The following CCL17 variants were observed in gnomAD, a reference collection of about 807,000 sequenced individuals.
CCL17 encodes the protein C-C motif chemokine 17.
In CCL17, 8 loss-of-function variants were observed where a neutral mutation model predicts 7.4. The observed-to-expected ratio is 1.09, with a 90% CI of 0.64 to 1.96. CCL17 has a LOEUF of 1.96. CCL17 is among the 30% of genes most tolerant of loss of function. The probability of loss-of-function intolerance (pLI) is 0.00; values close to 1 mark genes in which losing one functional copy is unlikely to be tolerated. For missense variants in CCL17, 102 were observed against 113.0 expected (o/e 0.90, Z 0.44); for synonymous variants, 40 against 46.1 (o/e 0.87, Z 0.54).
At chr16:57,403,473 ATATATT>A (rs1902635690), upstream of CCL17, among the ~76,000 whole-genome samples, 2 of 2,402 alleles carry the variant, frequency 8.3e-4, 1 homozygote, top group Non-Finnish European at 2.1e-3. Flanking sequence ...ATTATATTAT[ATATATT>A]ATATAATAAT....
intron 2 of CCL17, among the ~76,000 whole-genome samples, chr16:57,414,455 G>T (rs1460331327): frequency 9.1e-6 from 1 of 109,964 alleles, no homozygotes; most frequent in African/African-American, 3.6e-5. Flanking sequence ...GTCTTGCGCT[G>T]TCGCCCAGGC....
At chr16:57,399,309 G>A in the CCL17 span, among the ~76,000 whole-genome samples, 7 of 152,148 alleles carry the variant, frequency 4.6e-5, no homozygotes, top group African/African-American at 1.4e-4. Context: ...ACATGGCTGG[G>A]GCCCTCTTTC....
At chr16:57,401,132 A>G (rs1416902460), upstream of CCL17, among the ~76,000 whole-genome samples, 1 of 152,148 alleles carries the variant, frequency 6.6e-6, no homozygotes, top group African/African-American at 2.4e-5. Context: ...AGAACTATAC[A>G]TTTGGCATAT....
upstream of CCL17, among the ~76,000 whole-genome samples, chr16:57,403,421 T>A (rs1423217904): frequency 1.3e-4 from 2 of 15,876 alleles, no homozygotes; most frequent in Non-Finnish European, 8.4e-5. Flanking sequence ...ATATATTATA[T>A]TATAATATAT....
Position 57,415,013 on chromosome 16 carries a change from C to T in CCL17, c.71-68C>T. 1 of 1,012,930 alleles carries T rather than the reference C, an allele frequency of 9.9e-7. No individual in the cohort carries two copies. Among genetic ancestry groups the T allele is most frequent in the Non-Finnish European group, 1.6e-6 (1 of 634,048 alleles). The allele number at this position is 1,012,930 out of a possible 1,614,324, so 62.7% of individuals were successfully genotyped here. On this transcript the variant is annotated intron_variant, in intron 2 of 3. Transcript: ENST00000219244. This position sits in a 1 kb window ranked among gnomAD's most constrained non-coding sequence, Gnocchi z 4.5. ...CACATGCAGATCTTCCACGAACACC[C>T]CCCAGAGGTCCCCGCAACACACACG...
chr16:57,413,422 C>T (rs933063681), intron 1 of CCL17, among the ~76,000 whole-genome samples: 130 of 151,688 alleles, frequency 8.6e-4, no homozygotes, highest in African/African-American at 3.0e-3. Context: ...GGCCCATGCC[C>T]GGCAGCCAGG....
intron 1 of CCL17, among the ~76,000 whole-genome samples, chr16:57,410,588 A>G (rs1169499128): frequency 3.9e-5 from 6 of 152,204 alleles, no homozygotes; most frequent in African/African-American, 1.4e-4. Flanking sequence ...TCCAGGTCCT[A>G]GAATCCTCAC....
intron 1 of CCL17, among the ~76,000 whole-genome samples, chr16:57,411,660 A>G (rs1187765459): frequency 6.6e-6 from 1 of 152,250 alleles, no homozygotes; most frequent in African/African-American, 2.4e-5. Flanking sequence ...GGCAGAAGCC[A>G]CAGGGCAGAG....
the CCL17 span, among the ~76,000 whole-genome samples, chr16:57,399,145 A>G: frequency 6.6e-6 from 1 of 152,112 alleles, no homozygotes; most frequent in Non-Finnish European, 1.5e-5. Flanking sequence ...TTGCATCAGG[A>G]CTCTCTGAGT....
intron 1 of CCL17, among the ~76,000 whole-genome samples, chr16:57,409,873 G>C (rs578102548): frequency 6.6e-6 from 1 of 152,192 alleles, no homozygotes; most frequent in African/African-American, 2.4e-5. Context: ...AGCTGGCCCC[G>C]ATCCCTGATT....
chr16:57,398,192 A>C, the CCL17 span, among the ~76,000 whole-genome samples: 1 of 152,182 alleles, frequency 6.6e-6, no homozygotes, highest in Non-Finnish European at 1.5e-5. Flanking sequence ...CCAGATGGTG[A>C]AATCCTTTCC....
At chr16:57,398,813 G>C in the CCL17 span, among the ~76,000 whole-genome samples, 2 of 152,194 alleles carry the variant, frequency 1.3e-5, no homozygotes, top group Non-Finnish European at 2.9e-5. Flanking sequence ...GTAGCCAAAA[G>C]TAAATCATCC....
At chr16:57,400,334 G>A (rs1334874503), upstream of CCL17, among the ~76,000 whole-genome samples, 2 of 151,990 alleles carry the variant, frequency 1.3e-5, no homozygotes, top group African/African-American at 2.4e-5. Context: ...ACTCCAGCCT[G>A]GGCAACAGAG....
chr16:57,410,693 A>G (rs1160926960), intron 1 of CCL17, among the ~76,000 whole-genome samples: 1 of 152,174 alleles, frequency 6.6e-6, no homozygotes, highest in Non-Finnish European at 1.5e-5. Context: ...ATAGCCTGGG[A>G]GAACTGAGGA....
At chr16:57,403,463 AT>A (rs1251229861), upstream of CCL17, among the ~76,000 whole-genome samples, 14 of 2,218 alleles carry the variant, frequency 6.3e-3, no homozygotes, top group Non-Finnish European at 0.023. Context: ...TATAATATAT[AT>A]TATATTATAT....
At chr16:57,397,207 C>T in the CCL17 span, among the ~76,000 whole-genome samples, 2 of 152,234 alleles carry the variant, frequency 1.3e-5, no homozygotes, top group South Asian at 4.1e-4. Flanking sequence ...ATGCCTTTGG[C>T]ACACATCACA....
upstream of CCL17, among the ~76,000 whole-genome samples, chr16:57,399,918 G>A (rs551971973): frequency 3.3e-5 from 5 of 152,278 alleles, no homozygotes; most frequent in South Asian, 2.1e-4. Flanking sequence ...CACACAGAAA[G>A]CCAATCACTG....
rs1567565020 is a variant in CCL17 at position 57,415,598 on chromosome 16, G to A, written c.189-167G>A. 6.6e-6 allele frequency among the ~76,000 whole-genome samples: 1 copy of A among 152,182 alleles called. No homozygotes were observed. The highest frequency in any genetic ancestry group is 2.4e-5 in the African/African-American group (1 of 41,440). On this transcript the variant is annotated intron_variant, in intron 3 of 3. Coordinates refer to ENST00000219244, the MANE Select transcript of CCL17 (RefSeq NM_002987.3). The surrounding 1 kb of genome is among the most constrained non-coding windows in gnomAD (Gnocchi z 4.5). Reference sequence around the variant, plus strand: ...CCCTGGGAGGGTCGAGATTACTCGGGACAGAGCCTGAAGTCCCAGATCTGC... The same window carrying A: ...CCCTGGGAGGGTCGAGATTACTCGGAACAGAGCCTGAAGTCCCAGATCTGC...
chr16:57,405,501 G>C (rs1421275340), intron 1 of CCL17, among the ~76,000 whole-genome samples: 1 of 152,184 alleles, frequency 6.6e-6, no homozygotes, highest in African/African-American at 2.4e-5. Context: ...AAGGAGGCTG[G>C]TGTGAGAGGG....
Sources: gnomAD v4.1 joint callset for allele counts (sites outside exome capture counted in the v4.1 genomes callset) on GRCh38, gnomAD v4.1.1 for gene constraint, Gnocchi (gnomAD v3.1) non-coding constraint, MANE v1.5 for transcripts, NCBI Gene and HGNC (gene_info 2026-07-23, HGNC 2026-07-21) for gene names.